The following PTPRJ variants were observed in gnomAD, a reference collection of about 807,000 sequenced individuals.
PTPRJ encodes receptor-type tyrosine-protein phosphatase eta.
A neutral mutation model predicts 141.3 loss-of-function variants in PTPRJ; 129 were observed. That is an observed-to-expected ratio of 0.91 (90% confidence interval 0.79 to 1.06). The LOEUF is 1.06. Among genes scored for constraint, PTPRJ ranks in the 50% least tolerant of loss-of-function variants. The pLI, the probability that PTPRJ is intolerant of heterozygous loss-of-function variation, is 0.00. For synonymous variants in PTPRJ, 610 were observed against 640.5 expected, an observed-to-expected ratio of 0.95 and a Z score of 0.72; for missense variants, 1,601 against 1,679.7, an observed-to-expected ratio of 0.95 and a Z score of 0.82.
At chr11:48,135,933 A>C (rs1387858845) in intron 8 of PTPRJ, 106 bp from the exon 9 acceptor site, 4 of 1,331,164 alleles carry the variant, frequency 3.0e-6, no homozygotes, top group Non-Finnish European at 4.2e-6. Context: ...TGAACTCATT[A>C]GAAAGCGTAA....
At chr11:48,107,822 C>T (rs1317882328) in intron 1 of PTPRJ, among the ~76,000 whole-genome samples, 1 of 152,228 alleles carries the variant, frequency 6.6e-6, no homozygotes, top group Non-Finnish European at 1.5e-5. Context: ...GTGGCTCATG[C>T]CTGTAATCCC....
chr11:48,052,658 A>G (rs953672899), intron 1 of PTPRJ, among the ~76,000 whole-genome samples: 1 of 152,180 alleles, frequency 6.6e-6, no homozygotes, highest in Non-Finnish European at 1.5e-5. Flanking sequence ...CCAGATCTCA[A>G]AGGATGGGAC....
chr11:48,040,448 T>G (rs1854245323), intron 1 of PTPRJ, among the ~76,000 whole-genome samples: 1 of 152,212 alleles, frequency 6.6e-6, no homozygotes, highest in South Asian at 2.1e-4. Flanking sequence ...AAATTTATTT[T>G]CCGTACCACT....
At chr11:48,131,665 A>G in intron 8 of PTPRJ, 1 of 577,708 alleles carries the variant, frequency 1.7e-6, no homozygotes, top group Non-Finnish European at 3.2e-6. Context: ...GTCTATGGCT[A>G]CTTTGGTGCT....
intron 1 of PTPRJ, among the ~76,000 whole-genome samples, chr11:48,023,607 C>G (rs550651089): frequency 6.6e-6 from 1 of 152,096 alleles, no homozygotes; most frequent in East Asian, 1.9e-4. Flanking sequence ...TATGGTGAAA[C>G]CCCGTCTCTA....
intron 3 of PTPRJ, among the ~76,000 whole-genome samples, chr11:48,116,127 A>G (rs547952448): frequency 6.7e-6 from 1 of 148,834 alleles, no homozygotes; most frequent in East Asian, 1.9e-4. Flanking sequence ...AGAGTGCGTG[A>G]ATGGGTTAAA....
intron 1 of PTPRJ, among the ~76,000 whole-genome samples, chr11:48,046,022 G>A (rs1271831582): frequency 3.3e-5 from 5 of 152,038 alleles, no homozygotes; most frequent in Admixed American, 6.6e-5. Context: ...GTTGAGGCCC[G>A]GGTTGAGCAC....
At chr11:48,149,714 G>A in intron 16 of PTPRJ, 1 of 527,098 alleles carries the variant, frequency 1.9e-6, no homozygotes, top group South Asian at 2.8e-5. Context: ...CAATAAATAC[G>A]GATTTCTTGA....
chr11:48,107,459 G>T (rs1435254453), intron 1 of PTPRJ, among the ~76,000 whole-genome samples: 1 of 152,128 alleles, frequency 6.6e-6, no homozygotes, highest in Non-Finnish European at 1.5e-5. Context: ...GTGACTAACG[G>T]GTTTTCTGCC....
chr11:48,108,374 C>A (rs1856352263), intron 1 of PTPRJ, among the ~76,000 whole-genome samples: 1 of 152,200 alleles, frequency 6.6e-6, no homozygotes, highest in Non-Finnish European at 1.5e-5. Flanking sequence ...AAGCAAGCTA[C>A]CTGCCCGCAG....
At chr11:48,123,591 G>T (rs1034309597) in intron 4 of PTPRJ, 22 bp from the exon 5 acceptor site, 172 of 1,606,750 alleles carry the variant, frequency 1.1e-4, no homozygotes, top group Non-Finnish European at 1.4e-4. Context: ...TTCCATTAAT[G>T]CATGTTGTAT....
chr11:48,036,824 C>T (rs1021994962), intron 1 of PTPRJ, among the ~76,000 whole-genome samples: 3 of 152,164 alleles, frequency 2.0e-5, no homozygotes, highest in Non-Finnish European at 4.4e-5. Context: ...CCAGAGAAAC[C>T]AGGCAGATAC....
Position 48,166,301 on chromosome 11 carries a change from CT to C in PTPRJ, c.3856-900del, listed in dbSNP as rs1857916077. Among the ~76,000 whole-genome samples, 9 of 151,584 alleles carry C rather than the reference CT, an allele frequency of 5.9e-5. No homozygotes were observed. In the South Asian group the frequency reaches 1.9e-3, roughly 32 times the overall value. Reference sequence around the variant, plus strand: ...CACACACACACACGCACACACAGTACTTTGAAAAAATTGGATGCTGTTTTTT... The same window carrying C: ...CACACACACACACGCACACACAGTACTTGAAAAAATTGGATGCTGTTTTTT... On this transcript the variant is annotated intron_variant, in intron 24 of 24. Transcript: ENST00000418331.
At chr11:48,028,495 A>G (rs73464811) in intron 1 of PTPRJ, among the ~76,000 whole-genome samples, 4,663 of 152,266 alleles carry the variant, frequency 0.031, 228 homozygotes, top group African/African-American at 0.11. Flanking sequence ...AGAATCCTTA[A>G]CAAAAGGTTA....
chr11:48,035,086 A>G (rs1345704678), intron 1 of PTPRJ, among the ~76,000 whole-genome samples: 1 of 152,166 alleles, frequency 6.6e-6, no homozygotes, highest in African/African-American at 2.4e-5. Flanking sequence ...AGGCTGTCAC[A>G]TGTTCCTTCC....
At chr11:48,092,243 C>T (rs1353432290) in intron 1 of PTPRJ, among the ~76,000 whole-genome samples, 1 of 135,284 alleles carries the variant, frequency 7.4e-6, no homozygotes, top group Non-Finnish European at 1.5e-5. Flanking sequence ...TGCAGTGAGC[C>T]GACATCGCGC....
chr11:47,980,827 A>G lies in PTPRJ; in HGVS notation c.-86A>G. The G allele has an allele frequency of 9.5e-7, 1 of 1,054,300 alleles. No homozygotes were observed. The highest frequency in any genetic ancestry group is 1.1e-6 in the Non-Finnish European group (1 of 877,026). 65.3% of individuals were successfully genotyped at this position (1,054,300 alleles called of 1,614,324 possible). ...CGGAGGAGGAGGCGAAGGAGACGGC[A>G]GGAGGCGGCGACGACGGTGCCCGGG... On this transcript the variant is annotated 5_prime_UTR_variant, in exon 1 of 25. Transcript: ENST00000418331.
chr11:48,134,280 A>G (rs1008007548), intron 8 of PTPRJ, among the ~76,000 whole-genome samples: 3 of 152,238 alleles, frequency 2.0e-5, no homozygotes, highest in Admixed American at 2.0e-4. Flanking sequence ...AGTCTATACC[A>G]CAACTTTCCC....
Position 48,170,152 on chromosome 11 carries a change from C to T in PTPRJ, c.*2790C>T, listed in dbSNP as rs1858021096. The T allele has an allele frequency of 6.6e-6, 1 of 152,096 alleles. No homozygotes were observed. The allele number at this position is 152,096 out of a possible 1,614,324, so 9.4% of individuals were successfully genotyped here. ...CTGTTCAGTCTTTGACAATTGCATA[C>T]AGAAAAGCAGCTGGTATGGGTTTGG... On this transcript the variant is annotated 3_prime_UTR_variant, in exon 25 of 25. Transcript: ENST00000418331.
Sources: allele counts gnomAD v4.1 joint callset (sites outside exome capture counted in the v4.1 genomes callset), GRCh38; gene constraint gnomAD v4.1.1; transcripts MANE v1.5; gene names NCBI Gene and HGNC (gene_info 2026-07-23, HGNC 2026-07-21).